The following SH3BP1 variants were observed in gnomAD, a reference collection of about 807,000 sequenced individuals.
SH3BP1 encodes the protein SH3 domain binding protein 1.
In SH3BP1, 46 loss-of-function variants were observed where a neutral mutation model predicts 69.8. The observed-to-expected ratio is 0.66, with a 90% CI of 0.52 to 0.84. The LOEUF is 0.84. Ranked by LOEUF, SH3BP1 falls within the 40% of genes least tolerant of loss-of-function variation. The pLI is 0.00. For missense variants in SH3BP1, 868 were observed against 930.9 expected (o/e 0.93, Z 0.88); for synonymous variants, 403 against 378.0 (o/e 1.07, Z -0.77).
intron 14 of SH3BP1, 85 bp downstream of exon 14, chr22:37,648,520 TG>T: frequency 2.2e-6 from 2 of 893,338 alleles, no homozygotes; most frequent in Non-Finnish European, 3.6e-6. Flanking sequence ...CCCGGGGCCT[TG>T]GTGTCCCCAT....
chr22:37,641,269 A>G lies in SH3BP1; in HGVS notation c.102+101A>G, dbSNP rs538089709. The G allele has an allele frequency of 4.2e-5, 64 of 1,511,330 alleles. No homozygotes were observed. In the African/African-American group the frequency reaches 7.5e-4, roughly 18 times the overall value. The allele number at this position is 1,511,330 out of a possible 1,614,324, so 93.6% of individuals were successfully genotyped here. ...GCCAGGTAGGGGCCTGGGTTGAGTC[A>G]TTCCTCAAGCTGTTGGCCATGGGGT... On this transcript the variant is annotated intron_variant, in intron 2 of 17. Coordinates refer to ENST00000649765, the MANE Select transcript of SH3BP1 (RefSeq NM_018957.6).
chr22:37,651,680 G>A (rs956027260), intron 16 of SH3BP1, among the ~76,000 whole-genome samples: 9 of 152,024 alleles, frequency 5.9e-5, no homozygotes, highest in Non-Finnish European at 1.0e-4. Flanking sequence ...TGGTACCGTG[G>A]TGCCTCCATA....
At position 37,646,803 on chromosome 22, in the gene SH3BP1, T is replaced by C. The variant is rs552220496; in HGVS notation, c.925-15T>C. The C allele has an allele frequency of 3.9e-5, 58 of 1,489,980 alleles. 1 individual carries two copies. The East Asian group carries it at 1.4e-3, about 36-fold the overall frequency. The allele number at this position is 1,489,980 out of a possible 1,614,324, so 92.3% of individuals were successfully genotyped here. A position where few individuals can be genotyped will look rare whatever the true frequency, so the allele number is the denominator to read the frequency against. ...CACCCCTCTGTGACCCTTGCCTGCC[T>C]CCTCTCGAACCCAGGGTCTCTTCCG... On this transcript the variant is annotated splice_polypyrimidine_tract_variant and intron_variant, in intron 10 of 17. Coordinates refer to ENST00000649765, the MANE Select transcript of SH3BP1 (RefSeq NM_018957.6).
At chr22:37,641,330 G>A (rs1380024753) in intron 2 of SH3BP1, 44 bp from the exon 3 acceptor site, 1 of 1,542,880 alleles carries the variant, frequency 6.5e-7, no homozygotes, top group South Asian at 1.2e-5. Context: ...TGCTCAGGGG[G>A]AGACAGCCTC....
intron 6 of SH3BP1, chr22:37,643,439 T>G: frequency 1.4e-6 from 1 of 704,772 alleles, no homozygotes; most frequent in Non-Finnish European, 2.4e-6. Context: ...CTCCCCTCTG[T>G]GGAGTGGCTG....
At chr22:37,644,797 G>C (rs183086005) in intron 8 of SH3BP1, 73 bp from the exon 9 acceptor site, 1 of 1,601,966 alleles carries the variant, frequency 6.2e-7, no homozygotes, top group East Asian at 2.2e-5. Context: ...TGGAGGGGGC[G>C]TCTGCTCTCA....
At position 37,641,742 on chromosome 22, in the gene SH3BP1, G is replaced by A. The variant is rs763407294; in HGVS notation, c.207+264G>A. The A allele has an allele frequency of 1.2e-5, 5 of 430,404 alleles. No homozygotes were observed. In the South Asian group the frequency reaches 1.4e-4, roughly 12 times the overall value. The allele number at this position is 430,404 out of a possible 1,614,324, so 26.7% of individuals were successfully genotyped here. ...ACCTGAACTTCTCTGTCCAATCAGT[G>A]CGCAAGAGCAGGCTGTCAATGGGGC... On this transcript the variant is annotated intron_variant, in intron 3 of 17. Coordinates refer to ENST00000649765, the MANE Select transcript of SH3BP1 (RefSeq NM_018957.6).
In SH3BP1 at chr22:37,642,998, CTGAG is replaced by C; in HGVS notation, c.393_396del (p.Ser131ArgfsTer41). On this transcript the variant is annotated frameshift_variant, in exon 5 of 18. Coordinates refer to ENST00000649765, the MANE Select transcript of SH3BP1 (RefSeq NM_018957.6). LOFTEE classifies it high-confidence loss of function. Reference sequence around the variant, plus strand: ...GGACGTCCTGCAGCCACTCAGCAGGCTGAGTGAGGTGAGCCTGTGCCCTGCTTTC... The same window carrying C: ...GGACGTCCTGCAGCCACTCAGCAGGCTGAGGTGAGCCTGTGCCCTGCTTTC... The C allele has an allele frequency of 6.2e-7, 1 of 1,612,878 alleles. No individual in the cohort carries two copies. Among genetic ancestry groups the C allele is most frequent in the South Asian group, 1.1e-5 (1 of 91,078 alleles).
chr22:37,641,063 G>A (rs1932564954), intron 1 of SH3BP1, 63 bp from the exon 2 acceptor site: 3 of 1,108,860 alleles, frequency 2.7e-6, no homozygotes, highest in African/African-American at 3.1e-5. Context: ...GAAGTAGGGG[G>A]CGTTCTAACC....
chr22:37,644,517 TG>T, intron 7 of SH3BP1, 119 bp from the exon 8 acceptor site: 2 of 970,002 alleles, frequency 2.1e-6, no homozygotes, highest in Non-Finnish European at 3.3e-6. Context: ...GGAGCCTGGC[TG>T]GGACCTTCCA....
chr22:37,655,419 T>G lies in SH3BP1; in HGVS notation c.1841T>G (p.Leu614Arg). ...CCCCGACGTCTGGTTGGCAGCAGCC[T>G]CCGAGCCCCCACAGTGCCACCCCCG... is the stretch of plus-strand genomic sequence containing the variant. ...ALPRRLVGSS[L>R]RAPTVPPPLP... Residue 614 changes from leucine to arginine, a missense_variant, in exon 18 of 18, where the codon CTC (leucine) becomes CGC (arginine). This residue lies in a region of SH3BP1 where 474 missense variants were observed against 462.3 expected (regional missense o/e 1.03). Transcript: ENST00000649765. 8.0e-7 allele frequency: 1 copy of G among 1,248,040 alleles called. No homozygotes were observed. The highest frequency in any genetic ancestry group is 1.0e-6 in the Non-Finnish European group (1 of 961,362). The allele number at this position is 1,248,040 out of a possible 1,614,324, so 77.3% of individuals were successfully genotyped here.
intron 16 of SH3BP1, 139 bp downstream of exon 16, chr22:37,650,864 T>C (rs1230010797): frequency 8.4e-7 from 1 of 1,184,602 alleles, no homozygotes; most frequent in Non-Finnish European, 1.2e-6. Flanking sequence ...GATCTCCTAG[T>C]TTGGAGAGGG....
At chr22:37,648,867 C>A (rs1932829707) in intron 14 of SH3BP1, 2 of 173,104 alleles carry the variant, frequency 1.2e-5, no homozygotes, top group African/African-American at 2.4e-5. Context: ...CCACTCCCGG[C>A]TAATTTTTTG....
chr22:37,650,029 TG>T, intron 14 of SH3BP1, 122 bp from the exon 15 acceptor site: 2 of 1,058,226 alleles, frequency 1.9e-6, no homozygotes, highest in Non-Finnish European at 3.0e-6. Context: ...TGGTGGTTTG[TG>T]GGCTTTTTGA....
intron 4 of SH3BP1, 125 bp from the exon 5 acceptor site, chr22:37,642,770 T>A (rs1010096091): frequency 1.9e-6 from 3 of 1,597,086 alleles, no homozygotes; most frequent in Non-Finnish European, 2.6e-6. Flanking sequence ...GGGAGGGTGT[T>A]CAGCTTAGCA....
Position 37,653,779 on chromosome 22 carries a change from G to T in SH3BP1, c.1599G>T (p.Arg533Ser), listed in dbSNP as rs1002522155. 6 of 1,611,388 alleles carry T rather than the reference G, an allele frequency of 3.7e-6. No homozygotes were observed. The African/African-American group carries it at 8.0e-5, about 22-fold the overall frequency. ...PALASAATKE[R>S]TESEVPPRPA... ...CCCCATCCTCTCCTTCCCTCTGCAG[G>T]ACAGAGTCTGAGGTGCCTCCCAGAC... Residue 533 changes from arginine (R) to serine (S), a missense_variant and splice_region_variant, in exon 17 of 18, where the codon AGG becomes AGT. By Grantham distance (110) the Arg-to-Ser change is moderately radical. Coordinates refer to ENST00000649765, the MANE Select transcript of SH3BP1 (RefSeq NM_018957.6).
chr22:37,643,051 G>A (rs1438293444), intron 5 of SH3BP1, 45 bp downstream of exon 5: 2 of 1,608,748 alleles, frequency 1.2e-6, no homozygotes, highest in African/African-American at 2.7e-5. Context: ...CCCAGCTTCT[G>A]GCTCCCTCCT....
Position 37,639,837 on chromosome 22 carries a change from G to C in SH3BP1, c.50G>C (p.Ser17Thr). 1.3e-6 allele frequency: 2 copies of C among 1,572,852 alleles called. No homozygotes were observed. Among genetic ancestry groups the C allele is most frequent in the Non-Finnish European group, 1.7e-6 (2 of 1,161,756 alleles). ...HRMRQLAQTG[S>T]LGRTPETAEF... ...ATGCGGCAGCTGGCCCAGACGGGCA[G>C]CTTGGGACGGTGAGTGTCACCCGCT... The change falls in exon 1 of 18, where the codon AGC becomes ACC. Residue 17 changes from serine (S) to threonine (T), a missense_variant. Coordinates refer to ENST00000649765, the MANE Select transcript of SH3BP1 (RefSeq NM_018957.6).
chr22:37,645,986 A>G (rs868348335), intron 10 of SH3BP1, among the ~76,000 whole-genome samples: 29 of 116,802 alleles, frequency 2.5e-4, no homozygotes, highest in Middle Eastern at 0.011. Context: ...TTTTTTTGAG[A>G]TATGGAGTGT....
Sources: allele counts gnomAD v4.1 joint callset (sites outside exome capture counted in the v4.1 genomes callset), GRCh38; gene constraint gnomAD v4.1.1; regional missense constraint gnomAD v4.1.1; transcripts MANE v1.5; gene names NCBI Gene and HGNC (gene_info 2026-07-23, HGNC 2026-07-21).